The following ADCY2 variants were observed in gnomAD, a reference collection of about 807,000 sequenced individuals.
The protein encoded by ADCY2 is adenylate cyclase type 2.
Under a neutral mutation model 125.2 loss-of-function variants are expected in ADCY2, and 31 were observed. The observed-to-expected ratio is 0.25, with a 90% confidence interval of 0.19 to 0.33. The LOEUF is 0.33. Ranked by LOEUF, ADCY2 falls within the 10% of genes least tolerant of loss-of-function variation. ADCY2 has a pLI of 1.00. For synonymous variants in ADCY2, 512 were observed against 548.4 expected (o/e 0.93, Z 0.93); for missense variants, 904 against 1,418.2 (o/e 0.64, Z 5.82).
intron 3 of ADCY2, among the ~76,000 whole-genome samples, chr5:7,543,875 G>A (rs946161403): frequency 5.3e-5 from 8 of 151,870 alleles, no homozygotes; most frequent in Non-Finnish European, 8.8e-5. Flanking sequence ...TTAGCTGGGC[G>A]TGATGGAGGG....
In ADCY2 at chr5:7,590,258, G is replaced by A. The variant is rs188515879; in HGVS notation, c.571-35909G>A. Among the ~76,000 whole-genome samples, 270 of 152,240 alleles carry A rather than the reference G, an allele frequency of 1.8e-3. 2 individuals are homozygous for A. Among genetic ancestry groups the A allele is most frequent in the Non-Finnish European group, 2.3e-3 (155 of 68,000 alleles). On this transcript the variant is annotated intron_variant, in intron 3 of 24. Coordinates refer to ENST00000338316, the MANE Select transcript of ADCY2 (RefSeq NM_020546.3). ...ACTCTTGCAAAAAAGCATAGAATAT[G>A]GGGATTATTAATTGATATTGTAAAT...
At chr5:7,642,335 T>A (rs1738740477) in intron 4 of ADCY2, among the ~76,000 whole-genome samples, 1 of 152,186 alleles carries the variant, frequency 6.6e-6, no homozygotes, top group Admixed American at 6.6e-5. Context: ...TTGAGAAGTA[T>A]CTGTTTATGT....
chr5:7,776,157 G>A (rs1437975573), intron 18 of ADCY2, among the ~76,000 whole-genome samples: 1 of 141,410 alleles, frequency 7.1e-6, no homozygotes, highest in Non-Finnish European at 1.5e-5. Context: ...GCTTATTGAT[G>A]CTGACACACA....
intron 3 of ADCY2, among the ~76,000 whole-genome samples, chr5:7,554,315 C>G (rs757696428): frequency 2.6e-5 from 4 of 152,094 alleles, no homozygotes; most frequent in Non-Finnish European, 5.9e-5. Context: ...CACTTTTGTC[C>G]CACATGAGAG....
At chr5:7,753,824 C>T (rs1424039672) in intron 15 of ADCY2, among the ~76,000 whole-genome samples, 2 of 152,202 alleles carry the variant, frequency 1.3e-5, no homozygotes, top group Non-Finnish European at 2.9e-5. Context: ...TGTCACCTCT[C>T]TGTTCTCTTC....
At chr5:7,430,242 T>A (rs985505119) in intron 2 of ADCY2, among the ~76,000 whole-genome samples, 1 of 152,038 alleles carries the variant, frequency 6.6e-6, no homozygotes. Flanking sequence ...ATGCTCCAGG[T>A]CCAAATGGCT....
At chr5:7,772,709 A>G (rs2126481969) in intron 17 of ADCY2, among the ~76,000 whole-genome samples, 3 of 150,754 alleles carry the variant, frequency 2.0e-5, no homozygotes, top group Admixed American at 2.0e-4. Flanking sequence ...CTTTTTATTT[A>G]TCATGCAAGG....
chr5:7,526,175 C>T lies in ADCY2; in HGVS notation c.570+5276C>T, dbSNP rs371768581. 6.1e-4 allele frequency among the ~76,000 whole-genome samples: 93 copies of T among 152,318 alleles called. 1 individual carries two copies. Among genetic ancestry groups the T allele is most frequent in the East Asian group, 4.4e-3 (23 of 5,172 alleles). ...GTTGGCTTTCCCATTCTGGATGCAC[C>T]TCACACACAGCTTTGTCATCTTTGG... On this transcript the variant is annotated intron_variant, in intron 3 of 24. Transcript: ENST00000338316.
chr5:7,711,869 G>A (rs1039698710), intron 10 of ADCY2, among the ~76,000 whole-genome samples: 1 of 152,206 alleles, frequency 6.6e-6, no homozygotes, highest in Non-Finnish European at 1.5e-5. Context: ...TTTTGGTGAT[G>A]CATTAAGCCC....
chr5:7,683,144 C>G (rs1305773620), intron 4 of ADCY2, among the ~76,000 whole-genome samples: 1 of 152,190 alleles, frequency 6.6e-6, no homozygotes, highest in East Asian at 1.9e-4. Flanking sequence ...CTGAAGACTC[C>G]TCACAGGTGG....
chr5:7,738,704 A>G (rs557151273), intron 14 of ADCY2, among the ~76,000 whole-genome samples: 1 of 152,160 alleles, frequency 6.6e-6, no homozygotes, highest in South Asian at 2.1e-4. Flanking sequence ...GATGTAAACA[A>G]TAAGCACAAG....
At chr5:7,410,662 A>G (rs1172611034) in intron 1 of ADCY2, among the ~76,000 whole-genome samples, 1 of 152,216 alleles carries the variant, frequency 6.6e-6, no homozygotes, top group Non-Finnish European at 1.5e-5. Flanking sequence ...CCATTTTTAA[A>G]AAGACATTTT....
chr5:7,583,728 C>G (rs1736510515), intron 3 of ADCY2, among the ~76,000 whole-genome samples: 1 of 152,090 alleles, frequency 6.6e-6, no homozygotes, highest in Non-Finnish European at 1.5e-5. Flanking sequence ...CACACCTGCT[C>G]TGTGACCTAG....
intron 17 of ADCY2, among the ~76,000 whole-genome samples, chr5:7,770,906 T>C (rs1743535380): frequency 6.6e-6 from 1 of 152,182 alleles, no homozygotes; most frequent in Admixed American, 6.5e-5. Flanking sequence ...AATGTAATGG[T>C]GAATTACCAG....
At chr5:7,590,566 A>C (rs1373142402) in intron 3 of ADCY2, among the ~76,000 whole-genome samples, 1 of 152,024 alleles carries the variant, frequency 6.6e-6, no homozygotes, top group East Asian at 1.9e-4. Flanking sequence ...ACTTGTGACC[A>C]TGTTAAAAAA....
At chr5:7,406,516 A>G (rs1739495868) in intron 1 of ADCY2, among the ~76,000 whole-genome samples, 1 of 152,232 alleles carries the variant, frequency 6.6e-6, no homozygotes, top group African/African-American at 2.4e-5. Context: ...TCCCTGGCCC[A>G]GAGACTAGAG....
intron 2 of ADCY2, among the ~76,000 whole-genome samples, chr5:7,475,884 C>T (rs1742507609): frequency 1.3e-5 from 2 of 152,118 alleles, no homozygotes; most frequent in Non-Finnish European, 2.9e-5. Context: ...GACTTTGGAA[C>T]AGCCAAGTGG....
At chr5:7,824,287 A>G (rs1456233352) in intron 24 of ADCY2, among the ~76,000 whole-genome samples, 2 of 152,176 alleles carry the variant, frequency 1.3e-5, no homozygotes, top group African/African-American at 4.8e-5. Context: ...GGCTTCTCCT[A>G]GGCCTGGAGG....
chr5:7,556,694 C>G (rs755871789), intron 3 of ADCY2, among the ~76,000 whole-genome samples: 1 of 152,168 alleles, frequency 6.6e-6, no homozygotes, highest in African/African-American at 2.4e-5. Flanking sequence ...GGGCAGCAGG[C>G]GAGCTCGCTT....
Sources: gnomAD v4.1 joint callset for allele counts (sites outside exome capture counted in the v4.1 genomes callset) on GRCh38, gnomAD v4.1.1 for gene constraint, MANE v1.5 for transcripts, NCBI Gene and HGNC (gene_info 2026-07-23, HGNC 2026-07-21) for gene names.